The following ANHX variants were observed in gnomAD, a reference collection of about 807,000 sequenced individuals.
ANHX encodes the protein anomalous homeobox protein.
Under a neutral mutation model 38.9 loss-of-function variants are expected in ANHX, and 20 were observed. That is an observed-to-expected ratio of 0.51 (90% CI 0.36 to 0.75). The LOEUF (loss-of-function observed/expected upper bound fraction) is 0.75, where lower values mean the gene tolerates loss of function less well. ANHX is among the 30% of genes least tolerant of loss of function. The pLI is 0.00. For missense variants in ANHX, 475 were observed against 493.1 expected (o/e 0.96, Z 0.35); for synonymous variants, 185 against 203.1 (o/e 0.91, Z 0.76).
At chr12:133,220,623 CTAGTG>C (rs1460793041) in intron 8 of ANHX, among the ~76,000 whole-genome samples, 1 of 152,156 alleles carries the variant, frequency 6.6e-6, no homozygotes, top group Non-Finnish European at 1.5e-5. Flanking sequence ...CCTGGAGGCC[CTAGTG>C]TAGAGAGGAT....
intron 2 of ANHX, among the ~76,000 whole-genome samples, chr12:133,232,328 C>A (rs927077144): frequency 2.6e-5 from 4 of 152,242 alleles, no homozygotes; most frequent in Admixed American, 2.6e-4. Context: ...CAATCATCTG[C>A]CACAGGAGTG....
At chr12:133,235,746 G>GAC (rs576346669) in intron 1 of ANHX, 61 bp downstream of exon 1, 6 of 107,998 alleles carry the variant, frequency 5.6e-5, no homozygotes, top group East Asian at 2.8e-4. Flanking sequence ...CACATTCCAG[G>GAC]CCCCCCCTGC....
intron 3 of ANHX, among the ~76,000 whole-genome samples, chr12:133,229,203 C>T (rs1003762323): frequency 1.3e-5 from 2 of 152,138 alleles, no homozygotes; most frequent in East Asian, 1.9e-4. Context: ...CAAAGGGATG[C>T]GTGTCTGAGC....
At chr12:133,225,376 G>A (rs1291854352) in intron 7 of ANHX, among the ~76,000 whole-genome samples, 160 bp downstream of exon 7, 1 of 152,286 alleles carries the variant, frequency 6.6e-6, no homozygotes, top group Non-Finnish European at 1.5e-5. Context: ...TGGGATGTTT[G>A]TGGGAAGAGT....
chr12:133,219,409 G>A (rs1957078269), intron 8 of ANHX, 42 bp from the exon 9 acceptor site: 3 of 1,365,186 alleles, frequency 2.2e-6, no homozygotes, highest in Non-Finnish European at 9.8e-7. Context: ...ATCTCAAGGG[G>A]ACACTGGGGT....
At chr12:133,233,032 A>G (rs1396941089) in intron 2 of ANHX, among the ~76,000 whole-genome samples, 2 of 152,146 alleles carry the variant, frequency 1.3e-5, no homozygotes, top group African/African-American at 4.8e-5. Context: ...TAAAGTAGAA[A>G]CCAGAAGGGT....
rs1428963908 is a variant in ANHX at position 133,234,382 on chromosome 12, C to T, written c.-22-4G>A. 2 of 1,521,650 alleles carry T rather than the reference C, an allele frequency of 1.3e-6. No individual in the cohort carries two copies. The highest frequency in any genetic ancestry group is 1.8e-6 in the Non-Finnish European group (2 of 1,136,388). The allele number at this position is 1,521,650 out of a possible 1,614,324, so 94.3% of individuals were successfully genotyped here. On this transcript the variant is annotated splice_region_variant and splice_polypyrimidine_tract_variant and intron_variant, in intron 1 of 9. Transcript: ENST00000545940. ...CCTGTGCTGGGTCGTGGCCACTCTG[C>T]CAACACAAACAGTCACAAGAATGGC... is the stretch of plus-strand genomic sequence containing the variant.
intron 5 of ANHX, 55 bp from the exon 6 acceptor site, chr12:133,226,493 C>T (rs764753073): frequency 6.7e-7 from 1 of 1,497,018 alleles, no homozygotes; most frequent in East Asian, 2.5e-5. Flanking sequence ...TCCCAACCTC[C>T]TTCCCATCAG....
rs2135579866 is a variant in ANHX, at chr12:133,234,089, C to T, written c.249+19G>A. On this transcript the variant is annotated intron_variant, in intron 2 of 9. Transcript: ENST00000545940. ...GTTGCTACCTCTCTCTGTACCCTAC[C>T]CCTGTAGCCCAGGCCTACCTCCAGG... The T allele has an allele frequency of 5.2e-6, 8 of 1,534,122 alleles. 1 individual carries two copies. In the South Asian group the frequency reaches 9.5e-5, roughly 18 times the overall value.
rs1485429266 is a variant in ANHX, at chr12:133,221,062, G to C, written c.1280+143C>G. The C allele has an allele frequency of 1.3e-5, 15 of 1,118,490 alleles. No individual in the cohort carries two copies. Among genetic ancestry groups the C allele is most frequent in the South Asian group, 1.2e-4 (7 of 56,286 alleles). The allele number at this position is 1,118,490 out of a possible 1,614,324, so 69.3% of individuals were successfully genotyped here. ...CCCTTTTCTTCATAGGTGTAGGCTT[G>C]TGGGGACTGTTACAGTTTTCAGCAA... is the stretch of plus-strand genomic sequence containing the variant. On this transcript the variant is annotated intron_variant, in intron 8 of 9. Transcript: ENST00000545940. The surrounding 1 kb of genome is among the most constrained non-coding windows in gnomAD (Gnocchi z 4.1).
At chr12:133,230,294 A>G (rs1288170589) in intron 3 of ANHX, among the ~76,000 whole-genome samples, 3 of 152,354 alleles carry the variant, frequency 2.0e-5, no homozygotes, top group East Asian at 3.9e-4. Context: ...GTGGGGGGCT[A>G]CAATCACATC....
intron 9 of ANHX, 90 bp from the exon 10 acceptor site, chr12:133,219,061 A>AC (rs1422486693): frequency 9.9e-6 from 12 of 1,210,898 alleles, no homozygotes; most frequent in Admixed American, 6.7e-5. Flanking sequence ...CCTTGGGAAG[A>AC]CCCCCCGCAA....
intron 7 of ANHX, among the ~76,000 whole-genome samples, chr12:133,223,293 T>C (rs975969819): frequency 6.6e-6 from 1 of 151,750 alleles, no homozygotes; most frequent in Admixed American, 6.6e-5. Flanking sequence ...AGATAAAAGG[T>C]AAGTTCTTTG....
intron 3 of ANHX, 77 bp from the exon 4 acceptor site, chr12:133,228,024 G>A: frequency 5.4e-6 from 8 of 1,492,572 alleles, no homozygotes; most frequent in Non-Finnish European, 7.2e-6. Context: ...CTGGCCCTCT[G>A]CAGAAGGTGA....
At chr12:133,234,408 C>G in intron 1 of ANHX, 30 bp from the exon 2 acceptor site, 1 of 1,501,850 alleles carries the variant, frequency 6.7e-7, no homozygotes, top group Non-Finnish European at 8.9e-7. Context: ...CAAGAATGGC[C>G]ACCACTGACC....
chr12:133,233,265 G>T (rs1443202985), intron 2 of ANHX, among the ~76,000 whole-genome samples: 1 of 152,216 alleles, frequency 6.6e-6, no homozygotes, highest in Admixed American at 6.5e-5. Flanking sequence ...GATACCATTT[G>T]CATTGTAAAA....
rs1957068184 is a variant in ANHX, at chr12:133,218,735, A to G, written c.*150T>C. The G allele has an allele frequency of 5.9e-6, 3 of 511,366 alleles. No individual in the cohort carries two copies. The highest frequency in any genetic ancestry group is 1.0e-5 in the Non-Finnish European group (3 of 300,804). 31.7% of individuals were successfully genotyped at this position (511,366 alleles called of 1,614,324 possible). A position where few individuals can be genotyped will look rare whatever the true frequency, so the allele number is the denominator to read the frequency against. ...CAAACTATTCAAACATGGCAGTGGG[A>G]AAGAATCTCTGCTTTTCAGCAGAGC... On this transcript the variant is annotated 3_prime_UTR_variant, in exon 10 of 10. Coordinates refer to ENST00000545940, the MANE Select transcript of ANHX (RefSeq NM_001372060.1).
At position 133,218,974 on chromosome 12, in the gene ANHX, G is replaced by A. The variant is rs1566399803; in HGVS notation, c.1366-3C>T. 6.5e-7 allele frequency: 1 copy of A among 1,533,018 alleles called. No individual in the cohort carries two copies. Among genetic ancestry groups the A allele is most frequent in the Non-Finnish European group, 8.7e-7 (1 of 1,144,776 alleles). 95.0% of individuals were successfully genotyped at this position (1,533,018 alleles called of 1,614,324 possible). A position where few individuals can be genotyped will look rare whatever the true frequency, so the allele number is the denominator to read the frequency against. ...GCCTGGCTATCAGAACACTGCACCT[G>A]GAAGACAACACAGTGGTAAACACAG... On this transcript the variant is annotated splice_polypyrimidine_tract_variant and splice_region_variant and intron_variant, in intron 9 of 9. Transcript: ENST00000545940.
At chr12:133,219,031 C>A in intron 9 of ANHX, 60 bp from the exon 10 acceptor site, 1 of 1,421,514 alleles carries the variant, frequency 7.0e-7, no homozygotes, top group South Asian at 1.3e-5. Flanking sequence ...GACCTGCCCT[C>A]CCACCTGGGC....
Sources: allele counts gnomAD v4.1 joint callset (sites outside exome capture counted in the v4.1 genomes callset), GRCh38; gene constraint gnomAD v4.1.1; non-coding constraint Gnocchi (gnomAD v3.1); transcripts MANE v1.5; gene names NCBI Gene and HGNC (gene_info 2026-07-23, HGNC 2026-07-21).